Variants in SMURF2 observed in about 807,000 individuals in gnomAD.
The protein encoded by SMURF2 is E3 ubiquitin-protein ligase SMURF2.
A neutral mutation model predicts 109.6 loss-of-function variants in SMURF2; 48 were observed. That is an observed-to-expected ratio of 0.44 (90% confidence interval 0.35 to 0.56). The LOEUF (loss-of-function observed/expected upper bound fraction) is 0.56, where lower values mean the gene tolerates loss of function less well. SMURF2 is among the 20% of genes least tolerant of loss of function. The probability of loss-of-function intolerance (pLI) is 0.01; values close to 1 mark genes in which losing one functional copy is unlikely to be tolerated. For missense variants in SMURF2, 575 were observed against 909.0 expected, an observed-to-expected ratio of 0.63 and a Z score of 4.72; for synonymous variants, 288 against 317.1, an observed-to-expected ratio of 0.91 and a Z score of 0.97.
At chr17:64,620,819 T>C (rs1970191299) in intron 1 of SMURF2, among the ~76,000 whole-genome samples, 2 of 152,208 alleles carry the variant, frequency 1.3e-5, no homozygotes, top group South Asian at 4.1e-4. Flanking sequence ...CAAATACTTG[T>C]TGAATCAAAT....
At chr17:64,620,232 T>C (rs79919412) in intron 1 of SMURF2, among the ~76,000 whole-genome samples, 6,212 of 152,254 alleles carry the variant, frequency 0.041, 277 homozygotes, top group Admixed American at 0.14. Flanking sequence ...ATAATACATC[T>C]AGAGTATTTT....
chr17:64,558,355 C>T (rs1296897939), intron 12 of SMURF2, among the ~76,000 whole-genome samples: 2 of 151,738 alleles, frequency 1.3e-5, no homozygotes, highest in Non-Finnish European at 2.9e-5. Flanking sequence ...GCTGAGATTG[C>T]ACCACTGCAC....
chr17:64,613,672 C>G (rs1598296313), intron 1 of SMURF2, among the ~76,000 whole-genome samples: 1 of 53,690 alleles, frequency 1.9e-5, no homozygotes, highest in African/African-American at 7.4e-5. Flanking sequence ...TTCCACGGAC[C>G]AGTGTGTGTG....
At chr17:64,586,962 G>T (rs1276005700) in intron 5 of SMURF2, among the ~76,000 whole-genome samples, 1 of 151,880 alleles carries the variant, frequency 6.6e-6, no homozygotes, top group Non-Finnish European at 1.5e-5. Context: ...TCAGGAGATC[G>T]AGACTAGCCT....
At chr17:64,566,561 G>GTTTGTTTGTTTTTTTT (rs1969305868) in intron 10 of SMURF2, among the ~76,000 whole-genome samples, 19 of 43,782 alleles carry the variant, frequency 4.3e-4, no homozygotes, top group African/African-American at 1.4e-3. Flanking sequence ...AAGCTTTCTG[G>GTTTGTTTGTTTTTTTT]TTTTTTTTTT....
intron 15 of SMURF2, among the ~76,000 whole-genome samples, chr17:64,553,818 C>A (rs1969079809): frequency 6.6e-6 from 1 of 152,146 alleles, no homozygotes; most frequent in Admixed American, 6.5e-5. Context: ...AACTGCTTTC[C>A]AGAAAAGCTA....
In SMURF2 at chr17:64,596,679, C is replaced by T. The variant is rs115928828; in HGVS notation, c.200+1703G>A. On this transcript the variant is annotated intron_variant, in intron 3 of 18. Transcript: ENST00000262435. ...ACAATAAAGGCAAGTCCCAGGACAA[C>T]TGCGCAGTGGGTCTTAGAGAACCAT... Among the ~76,000 whole-genome samples the T allele has an allele frequency of 4.8e-3, 713 of 149,688 alleles. 6 individuals are homozygous for T. Among genetic ancestry groups the T allele is most frequent in the African/African-American group, 0.017 (697 of 40,686 alleles).
intron 1 of SMURF2, among the ~76,000 whole-genome samples, chr17:64,619,478 CAAAAAAAAAAAAA>C (rs552413988): frequency 1.1e-4 from 4 of 34,912 alleles, no homozygotes; most frequent in South Asian, 9.8e-4. Flanking sequence ...ACTCTTGTCT[CAAAAAAAAAAAAA>C]AAAAAAAAAA....
chr17:64,597,121 CTGGG>C (rs1305313711), intron 3 of SMURF2, among the ~76,000 whole-genome samples: 2 of 152,168 alleles, frequency 1.3e-5, no homozygotes, highest in African/African-American at 4.8e-5. Flanking sequence ...AGCTGAACCA[CTGGG>C]CTGGGCATCA....
chr17:64,650,194 T>C (rs1177702489), intron 1 of SMURF2, among the ~76,000 whole-genome samples: 2 of 146,436 alleles, frequency 1.4e-5, no homozygotes, highest in East Asian at 3.9e-4. Flanking sequence ...CTAAAATAAA[T>C]AAGACTTGCC....
At chr17:64,580,669 T>C in intron 8 of SMURF2, 120 bp downstream of exon 8, 3 of 1,044,582 alleles carry the variant, frequency 2.9e-6, no homozygotes, top group Non-Finnish European at 4.2e-6. Context: ...GGTTTTATAT[T>C]TATTTTCATG....
chr17:64,593,721 G>T, intron 3 of SMURF2, 148 bp from the exon 4 acceptor site: 4 of 598,948 alleles, frequency 6.7e-6, no homozygotes, highest in South Asian at 4.5e-5. Flanking sequence ...TTAATCCACA[G>T]GATTGAATTT....
chr17:64,659,095 T>C (rs1401271011), intron 1 of SMURF2, among the ~76,000 whole-genome samples: 4 of 152,162 alleles, frequency 2.6e-5, no homozygotes, highest in African/African-American at 7.2e-5. Context: ...TAATATCAAT[T>C]GTGGGCAGAG....
At chr17:64,632,638 A>G (rs141330657) in intron 1 of SMURF2, among the ~76,000 whole-genome samples, 1 of 152,226 alleles carries the variant, frequency 6.6e-6, no homozygotes, top group African/African-American at 2.4e-5. Context: ...TTTCAGCTGA[A>G]GGGGAAAATG....
At position 64,662,048 on chromosome 17, in the gene SMURF2, G is replaced by T. The variant is rs1293727980; in HGVS notation, c.-168C>A. On this transcript the variant is annotated 5_prime_UTR_variant, in exon 1 of 19. Transcript: ENST00000262435. ...GAGTCGTCGCCATGAGCCGCGGAGGGAGCGGGACGCCGAGCTCCCCCCTCC... is the reference window on the plus strand; with the variant it reads ...GAGTCGTCGCCATGAGCCGCGGAGGTAGCGGGACGCCGAGCTCCCCCCTCC... 26 of 1,113,792 alleles carry T rather than the reference G, an allele frequency of 2.3e-5. No individual in the cohort carries two copies. The highest frequency in any genetic ancestry group is 2.7e-5 in the Non-Finnish European group (25 of 912,642). The allele number at this position is 1,113,792 out of a possible 1,614,324, so 69.0% of individuals were successfully genotyped here. A position where few individuals can be genotyped will look rare whatever the true frequency, so the allele number is the denominator to read the frequency against.
In SMURF2 at chr17:64,542,452, CTG is replaced by C. The variant is rs1193685950; in HGVS notation, c.*3394_*3395del. The C allele has an allele frequency of 1.3e-5, 2 of 152,042 alleles. No individual in the cohort carries two copies. Among genetic ancestry groups the C allele is most frequent in the African/African-American group, 2.4e-5 (1 of 41,400 alleles). 9.4% of individuals were successfully genotyped at this position (152,042 alleles called of 1,614,324 possible). A position where few individuals can be genotyped will look rare whatever the true frequency, so the allele number is the denominator to read the frequency against. ...CAAAGAATATCAAAGCTAAAACACT[CTG>C]TAATAAATACAAATACAATGAAAAT... On this transcript the variant is annotated 3_prime_UTR_variant, in exon 19 of 19. Coordinates refer to ENST00000262435, the MANE Select transcript of SMURF2 (RefSeq NM_022739.4).
chr17:64,653,424 T>A (rs920839919), intron 1 of SMURF2, among the ~76,000 whole-genome samples: 1 of 151,346 alleles, frequency 6.6e-6, no homozygotes, highest in African/African-American at 2.4e-5. Flanking sequence ...CTGAAACTCA[T>A]ACAATGCTGG....
chr17:64,640,256 T>C (rs1555692465), intron 1 of SMURF2, among the ~76,000 whole-genome samples: 3 of 152,082 alleles, frequency 2.0e-5, no homozygotes, highest in African/African-American at 7.2e-5. Context: ...ATAATGAGAG[T>C]AGAGACTACT....
In SMURF2 at chr17:64,586,119, C is replaced by A; in HGVS notation, c.452G>T (p.Cys151Phe). The A allele has an allele frequency of 6.2e-7, 1 of 1,610,524 alleles. No homozygotes were observed. Among genetic ancestry groups the A allele is most frequent in the Non-Finnish European group, 8.5e-7 (1 of 1,178,754 alleles). Residue 151 changes from cysteine to phenylalanine, a missense_variant, in exon 6 of 19, where the codon TGC (cysteine) becomes TTC (phenylalanine). Around this residue, in one of 5 missense-constraint regions of SMURF2, gnomAD observed 151 missense variants for 178.4 expected, o/e 0.85. Transcript: ENST00000262435. ...RIGTGGQVVD[C>F]SRLFDNDLPD... ...TAAATCGTTATCAAATAAACGACTG[C>A]AGTCCACAACTTGTCCTCCTGTGCC...
Sources: allele counts gnomAD v4.1 joint callset (sites outside exome capture counted in the v4.1 genomes callset), GRCh38; gene constraint gnomAD v4.1.1; regional missense constraint gnomAD v4.1.1; transcripts MANE v1.5; gene names NCBI Gene and HGNC (gene_info 2026-07-23, HGNC 2026-07-21).